Variants in CATIP observed in about 807,000 individuals in gnomAD.
CATIP encodes the protein ciliogenesis associated TTC17 interacting protein, also known as ciliogenesis-associated TTC17-interacting protein.
CATIP carries 40 observed loss-of-function variants against 42.5 expected under a neutral mutation model. The ratio of observed to expected loss-of-function variants is 0.94; its 90% CI spans 0.73 to 1.22. CATIP has a LOEUF of 1.22. Ranked by LOEUF, CATIP falls within the 50% of genes most tolerant of loss-of-function variation. CATIP has a pLI of 0.00. For synonymous variants in CATIP, 222 were observed against 200.2 expected (o/e 1.11, Z -0.92); for missense variants, 489 against 496.0 (o/e 0.99, Z 0.13).
chr2:218,358,988 T>G (rs1365049277), intron 4 of CATIP, among the ~76,000 whole-genome samples: 1 of 151,776 alleles, frequency 6.6e-6, no homozygotes, highest in Non-Finnish European at 1.5e-5. Flanking sequence ...GCGGATCACC[T>G]GAGGTCGGGA....
chr2:218,364,617 G>T lies in CATIP; in HGVS notation c.631-11G>T, dbSNP rs1299610478. 6.2e-7 allele frequency: 1 copy of T among 1,613,032 alleles called. No individual in the cohort carries two copies. Among genetic ancestry groups the T allele is most frequent in the South Asian group, 1.1e-5 (1 of 90,938 alleles). On this transcript the variant is annotated splice_polypyrimidine_tract_variant and intron_variant, in intron 6 of 9. Coordinates refer to ENST00000289388, the MANE Select transcript of CATIP (RefSeq NM_198559.2). ...CCTTACCTCCCACCCCCCAATTTTG[G>T]CTGTTGCCAGCAAAACCTGGGCTTC... is the stretch of plus-strand genomic sequence containing the variant.
At position 218,364,753 on chromosome 2, in the gene CATIP, G is replaced by A. The variant is rs982395391; in HGVS notation, c.755+1G>A. 1.2e-6 allele frequency: 2 copies of A among 1,612,056 alleles called. No individual in the cohort carries two copies. The highest frequency in any genetic ancestry group is 1.3e-5 in the African/African-American group (1 of 74,992). On this transcript the variant is annotated splice_donor_variant, in intron 7 of 9. Coordinates refer to ENST00000289388, the MANE Select transcript of CATIP (RefSeq NM_198559.2). LOFTEE classifies it high-confidence loss of function. ...GCCAGTACTACCTGCTCTCCGATGG[G>A]TGAGCTGCTGATGGTGGGCCCAGAG...
chr2:218,366,930 C>T (rs1310545910), intron 7 of CATIP, 94 bp from the exon 8 acceptor site: 1 of 985,224 alleles, frequency 1.0e-6, no homozygotes, highest in East Asian at 2.5e-5. Flanking sequence ...CCCCTACCTC[C>T]AAATACCACC....
At chr2:218,358,994 C>T (rs1186152209) in intron 4 of CATIP, among the ~76,000 whole-genome samples, 1 of 151,756 alleles carries the variant, frequency 6.6e-6, no homozygotes, top group Non-Finnish European at 1.5e-5. Context: ...CACCTGAGGT[C>T]GGGAGTTGAA....
Position 218,362,766 on chromosome 2 carries a change from G to A in CATIP, c.494G>A (p.Trp165Ter), listed in dbSNP as rs1343846506. The change falls in exon 6 of 10, where the codon TGG (tryptophan) becomes TAG (stop). Residue 165 changes from tryptophan to a stop codon, truncating the protein, a stop_gained. Transcript: ENST00000289388. LOFTEE classifies it high-confidence loss of function. ...AAGACTGGAGTGACTTCTTTCCCCTGGAGCTCAATCAAGGGCTTCATCTCA... is the reference window on the plus strand; with the variant it reads ...AAGACTGGAGTGACTTCTTTCCCCTAGAGCTCAATCAAGGGCTTCATCTCA... ...EVKTGVTSFP[W>*]SSIKGFISEA... is the part of the protein sequence containing the mutation. The A allele has an allele frequency of 6.2e-7, 1 of 1,614,142 alleles. No homozygotes were observed. Among genetic ancestry groups the A allele is most frequent in the East Asian group, 2.2e-5 (1 of 44,892 alleles).
At position 218,367,142 on chromosome 2, in the gene CATIP, G is replaced by A. The variant is rs1330249323; in HGVS notation, c.832+42G>A. Reference sequence around the variant, plus strand: ...CCTTGTGCAGGCAGGGAGAGTTAAGGGGAGTGGGGAAACCTGGGCCTTCCA... The same window carrying A: ...CCTTGTGCAGGCAGGGAGAGTTAAGAGGAGTGGGGAAACCTGGGCCTTCCA... On this transcript the variant is annotated intron_variant, in intron 8 of 9. Transcript: ENST00000289388. 6 of 1,505,964 alleles carry A rather than the reference G, an allele frequency of 4.0e-6. No individual in the cohort carries two copies. In the Admixed American group the frequency reaches 5.1e-5, roughly 13 times the overall value. 93.3% of individuals were successfully genotyped at this position (1,505,964 alleles called of 1,614,324 possible). A position where few individuals can be genotyped will look rare whatever the true frequency, so the allele number is the denominator to read the frequency against.
intron 4 of CATIP, among the ~76,000 whole-genome samples, chr2:218,359,416 T>C (rs1034175529): frequency 2.6e-5 from 4 of 151,814 alleles, no homozygotes; most frequent in African/African-American, 9.7e-5. Flanking sequence ...CTTGAGTAGT[T>C]TCCAGTGTGT....
At chr2:218,357,867 A>C (rs1695090665) in intron 3 of CATIP, 133 bp downstream of exon 3, 1 of 1,113,712 alleles carries the variant, frequency 9.0e-7, no homozygotes, top group African/African-American at 1.5e-5. Flanking sequence ...GGGGTGGGAG[A>C]GGGATGAGCG....
intron 4 of CATIP, among the ~76,000 whole-genome samples, chr2:218,359,061 G>T (rs1002627450): frequency 6.6e-6 from 1 of 151,774 alleles, no homozygotes; most frequent in Non-Finnish European, 1.5e-5. Flanking sequence ...AAAATTAGCC[G>T]GGCGCAGTGG....
At chr2:218,367,659 G>T in intron 9 of CATIP, 63 bp from the exon 10 acceptor site, 5 of 1,579,628 alleles carry the variant, frequency 3.2e-6, no homozygotes, top group East Asian at 4.6e-5. Flanking sequence ...GGAGCGAGCG[G>T]CTGGGGGCTC....
chr2:218,368,066 A>T lies in CATIP; in HGVS notation c.*102A>T. ...GCTTTCCGGGCTGCGGTTTTGGGGG[A>T]ATAAATGGGGCCCTCCCGCTTCTCT... is the stretch of plus-strand genomic sequence containing the variant. On this transcript the variant is annotated 3_prime_UTR_variant, in exon 10 of 10. Transcript: ENST00000289388. The T allele has an allele frequency of 7.5e-7, 1 of 1,332,178 alleles. No individual in the cohort carries two copies. Among genetic ancestry groups the T allele is most frequent in the South Asian group, 1.6e-5 (1 of 64,400 alleles). The allele number at this position is 1,332,178 out of a possible 1,614,324, so 82.5% of individuals were successfully genotyped here. A position where few individuals can be genotyped will look rare whatever the true frequency, so the allele number is the denominator to read the frequency against.
At position 218,363,502 on chromosome 2, in the gene CATIP, A is replaced by C. The variant is rs375477274; in HGVS notation, c.630+600A>C. Among the ~76,000 whole-genome samples the C allele has an allele frequency of 2.8e-3, 410 of 144,082 alleles. 2 individuals are homozygous for C. Among genetic ancestry groups the C allele is most frequent in the African/African-American group, 6.9e-3 (263 of 38,144 alleles). 94.5% of individuals were successfully genotyped at this position (144,082 alleles called of 152,430 possible). The stretch of plus-strand genomic sequence containing the variant: ...CTCTGTCTCAAAAAAAAAAAACAAA[A>C]AAAAAAAAACGTCATTTTGGCCAGG... On this transcript the variant is annotated intron_variant, in intron 6 of 9. Transcript: ENST00000289388.
chr2:218,367,673 G>A (rs1323826714), intron 9 of CATIP, 49 bp from the exon 10 acceptor site: 10 of 1,575,756 alleles, frequency 6.3e-6, no homozygotes, highest in Non-Finnish European at 8.6e-6. Flanking sequence ...GGGGCTCCTG[G>A]GGCGCGGGGG....
At chr2:218,359,434 T>A (rs1695158899) in intron 4 of CATIP, among the ~76,000 whole-genome samples, 1 of 150,548 alleles carries the variant, frequency 6.6e-6, no homozygotes, top group Non-Finnish European at 1.5e-5. Context: ...TGTAAACAGG[T>A]CATGTTCACA....
intron 7 of CATIP, 97 bp downstream of exon 7, chr2:218,364,849 A>G: frequency 7.3e-7 from 1 of 1,371,316 alleles, no homozygotes; most frequent in Non-Finnish European, 1.0e-6. Flanking sequence ...AAGAACTGGC[A>G]TTGAGATAGG....
intron 7 of CATIP, chr2:218,366,021 G>T (rs1695420568): frequency 6.6e-6 from 1 of 152,136 alleles, no homozygotes; most frequent in African/African-American, 2.4e-5. Flanking sequence ...CACCATGTTG[G>T]CCAGGCTGGT....
chr2:218,366,759 GCAGACAAGTGCCTTCT>G (rs1695456256), intron 7 of CATIP: 1 of 434,586 alleles, frequency 2.3e-6, no homozygotes, highest in African/African-American at 2.0e-5. Flanking sequence ...TTCCTAGCTT[GCAGACAAGTGCCTTCT>G]CAATGTGTCC....
intron 7 of CATIP, among the ~76,000 whole-genome samples, chr2:218,365,306 C>T (rs1438575829): frequency 6.6e-6 from 1 of 151,778 alleles, no homozygotes; most frequent in African/African-American, 2.4e-5. Flanking sequence ...CCCAGCTACT[C>T]TGGAGGCTGA....
intron 6 of CATIP, among the ~76,000 whole-genome samples, chr2:218,363,358 C>T (rs1242024836): frequency 7.3e-5 from 11 of 151,040 alleles, no homozygotes; most frequent in South Asian, 6.3e-4. Flanking sequence ...TGGTGGCAGG[C>T]GCCTGTAGTC....
Sources: allele counts gnomAD v4.1 joint callset (sites outside exome capture counted in the v4.1 genomes callset), GRCh38; gene constraint gnomAD v4.1.1; transcripts MANE v1.5; gene names NCBI Gene and HGNC (gene_info 2026-07-23, HGNC 2026-07-21).